CCSER1: variants seen among roughly 807,000 people sequenced by gnomAD.
CCSER1 encodes coiled-coil serine rich protein 1, also known as serine-rich coiled-coil domain-containing protein 1.
CCSER1 carries 41 observed loss-of-function variants against 82.0 expected under a neutral mutation model. That is an observed-to-expected ratio of 0.50 (90% CI 0.39 to 0.65). The LOEUF is 0.65. Ranked by LOEUF, CCSER1 falls within the 30% of genes least tolerant of loss-of-function variation. The pLI is 0.00. For missense variants in CCSER1, 1,119 were observed against 1,064.2 expected, an observed-to-expected ratio of 1.05 and a Z score of -0.72; for synonymous variants, 414 against 383.9, an observed-to-expected ratio of 1.08 and a Z score of -0.92.
At chr4:91,239,065 C>A (rs376954772) in intron 10 of CCSER1, among the ~76,000 whole-genome samples, 1 of 151,512 alleles carries the variant, frequency 6.6e-6, no homozygotes, top group African/African-American at 2.4e-5. Flanking sequence ...ACCACGTGAT[C>A]CCCCCCACCT....
chr4:90,270,648 A>G (rs1030366777), intron 1 of CCSER1, among the ~76,000 whole-genome samples: 6 of 152,070 alleles, frequency 3.9e-5, no homozygotes, highest in Admixed American at 3.9e-4. Flanking sequence ...TAGATAGAGG[A>G]ATCAGACTAC....
chr4:91,489,202 T>A (rs578130813), intron 10 of CCSER1, among the ~76,000 whole-genome samples: 2 of 152,184 alleles, frequency 1.3e-5, no homozygotes, highest in East Asian at 3.9e-4. Flanking sequence ...TAGAATTAAG[T>A]GACCAAAGCA....
intron 5 of CCSER1, among the ~76,000 whole-genome samples, chr4:90,589,741 T>C (rs1337677248): frequency 6.6e-6 from 1 of 152,174 alleles, no homozygotes; most frequent in Non-Finnish European, 1.5e-5. Flanking sequence ...ACTCAAGTTG[T>C]TTACTTTTGC....
chr4:91,041,710 A>T (rs973140978), intron 9 of CCSER1, among the ~76,000 whole-genome samples: 1 of 152,210 alleles, frequency 6.6e-6, no homozygotes, highest in Non-Finnish European at 1.5e-5. Context: ...CCAGCATAAA[A>T]TACCTGGCTT....
intron 10 of CCSER1, among the ~76,000 whole-genome samples, chr4:91,106,602 T>C (rs1179989448): frequency 6.6e-6 from 1 of 152,220 alleles, no homozygotes; most frequent in Admixed American, 6.5e-5. Context: ...ATAACTACTA[T>C]TTTGATGTGC....
intron 9 of CCSER1, among the ~76,000 whole-genome samples, chr4:90,992,930 T>C (rs1457318501): frequency 6.6e-6 from 1 of 151,926 alleles, no homozygotes; most frequent in Non-Finnish European, 1.5e-5. Flanking sequence ...CACAGATCCT[T>C]CCCATGCCCA....
chr4:90,624,209 A>T (rs920834430), intron 5 of CCSER1, among the ~76,000 whole-genome samples: 1 of 152,174 alleles, frequency 6.6e-6, no homozygotes, highest in South Asian at 2.1e-4. Context: ...CTATAATGAA[A>T]GATGTCATTG....
rs535054693 is a variant in CCSER1, at chr4:91,185,523, A to G, written c.2217+99529A>G. On this transcript the variant is annotated intron_variant, in intron 10 of 10. Transcript: ENST00000509176. ...CTTTTGTGCAGCATAAATCTACTGCAGTGCTACCGGCTGTGGCGGGAGACA... is the reference window on the plus strand; with the variant it reads ...CTTTTGTGCAGCATAAATCTACTGCGGTGCTACCGGCTGTGGCGGGAGACA... Among the ~76,000 whole-genome samples, 62 of 152,296 alleles carry G rather than the reference A, an allele frequency of 4.1e-4. 2 individuals carry two copies. In the South Asian group the frequency reaches 0.013, roughly 31 times the overall value.
At chr4:90,650,295 C>G (rs1034903404) in intron 6 of CCSER1, among the ~76,000 whole-genome samples, 1 of 151,160 alleles carries the variant, frequency 6.6e-6, no homozygotes, top group African/African-American at 2.4e-5. Context: ...TCTTTTTGAG[C>G]AAAAAGGAAG....
rs111910419 is a variant in CCSER1 at position 91,478,584 on chromosome 4, C to T, written c.2218-119988C>T. ...AAATTCTAGTGGTGCTTTAAAAATG[C>T]CAAAGCTAGACATCAGAAACAATTA... On this transcript the variant is annotated intron_variant, in intron 10 of 10. Coordinates refer to ENST00000509176, the MANE Select transcript of CCSER1 (RefSeq NM_001145065.2). 5.4e-4 allele frequency among the ~76,000 whole-genome samples: 82 copies of T among 151,778 alleles called. 1 individual carries two copies. Among genetic ancestry groups the T allele is most frequent in the South Asian group, 3.1e-3 (15 of 4,818 alleles).
At chr4:91,073,444 A>C (rs1022649056) in intron 9 of CCSER1, among the ~76,000 whole-genome samples, 2 of 152,198 alleles carry the variant, frequency 1.3e-5, no homozygotes, top group Non-Finnish European at 2.9e-5. Context: ...AAGTTGCCTT[A>C]GGAAATGTTC....
At chr4:90,529,983 G>T (rs1774303643) in intron 5 of CCSER1, among the ~76,000 whole-genome samples, 1 of 150,362 alleles carries the variant, frequency 6.7e-6, no homozygotes, top group Non-Finnish European at 1.5e-5. Flanking sequence ...GAGAATATCT[G>T]ATCTGTTCTT....
At chr4:90,318,786 C>T (rs974766755) in intron 3 of CCSER1, among the ~76,000 whole-genome samples, 13 of 152,132 alleles carry the variant, frequency 8.5e-5, no homozygotes, top group African/African-American at 2.4e-4. Flanking sequence ...TTCATTTCTT[C>T]ATTCATTAAA....
intron 5 of CCSER1, among the ~76,000 whole-genome samples, chr4:90,606,161 T>G (rs1326830870): frequency 6.6e-6 from 1 of 151,806 alleles, no homozygotes; most frequent in African/African-American, 2.4e-5. Context: ...CTGTTATTAA[T>G]AAGTTATGGC....
chr4:91,096,202 C>A (rs976574525), intron 10 of CCSER1, among the ~76,000 whole-genome samples: 1 of 152,162 alleles, frequency 6.6e-6, no homozygotes, highest in Admixed American at 6.5e-5. Flanking sequence ...CAGTATTGGG[C>A]CGTAAATGGG....
intron 10 of CCSER1, among the ~76,000 whole-genome samples, chr4:91,471,339 C>T (rs1427543875): frequency 6.6e-6 from 1 of 152,062 alleles, no homozygotes; most frequent in African/African-American, 2.4e-5. Flanking sequence ...GTAACTTTAC[C>T]ATGAGTGTAA....
intron 4 of CCSER1, among the ~76,000 whole-genome samples, chr4:90,429,851 C>T (rs28637506): frequency 0.05 from 7,661 of 151,716 alleles, 440 homozygotes; most frequent in African/African-American, 0.15. Flanking sequence ...TTTCCATTTT[C>T]AATTGTTTAG....
intron 10 of CCSER1, among the ~76,000 whole-genome samples, chr4:91,330,364 A>G (rs1326562351): frequency 2.0e-5 from 3 of 152,194 alleles, no homozygotes; most frequent in Non-Finnish European, 2.9e-5. Context: ...ACTTCAAGTC[A>G]TGGTGCTTCA....
At chr4:90,629,438 G>A (rs184571883) in intron 6 of CCSER1, among the ~76,000 whole-genome samples, 28 of 152,228 alleles carry the variant, frequency 1.8e-4, no homozygotes, top group African/African-American at 4.8e-4. Flanking sequence ...CTTACACGGC[G>A]GCAGGCAAGA....
Sources: gnomAD v4.1 joint callset for allele counts (sites outside exome capture counted in the v4.1 genomes callset) on GRCh38, gnomAD v4.1.1 for gene constraint, MANE v1.5 for transcripts, NCBI Gene and HGNC (gene_info 2026-07-23, HGNC 2026-07-21) for gene names.